The following CNPY1 variants were observed in gnomAD, a reference collection of about 807,000 sequenced individuals.
CNPY1 encodes the protein protein canopy homolog 1.
CNPY1 carries 14 observed loss-of-function variants against 14.4 expected under a neutral mutation model. That is an observed-to-expected ratio of 0.97 (90% CI 0.64 to 1.52). CNPY1 has a LOEUF of 1.52. Ranked by LOEUF, CNPY1 falls within the 40% of genes most tolerant of loss-of-function variation. The pLI is 0.00. For missense variants in CNPY1, 129 were observed against 131.5 expected (o/e 0.98, Z 0.09); for synonymous variants, 43 against 46.5 (o/e 0.92, Z 0.31).
intron 2 of CNPY1, among the ~76,000 whole-genome samples, chr7:155,512,433 G>A (rs964960455): frequency 1.3e-5 from 2 of 151,998 alleles, no homozygotes; most frequent in South Asian, 2.1e-4. Flanking sequence ...CCCCCTTTAC[G>A]TTTCTTCTGA....
chr7:155,507,234 C>A (rs1796348927), intron 3 of CNPY1, 118 bp from the exon 4 acceptor site: 1 of 682,614 alleles, frequency 1.5e-6, no homozygotes, highest in Non-Finnish European at 2.6e-6. Flanking sequence ...CCAAGGTGGT[C>A]CATTTTTATT....
At chr7:155,526,586 C>T (rs34343962) in intron 2 of CNPY1, among the ~76,000 whole-genome samples, 19,105 of 152,048 alleles carry the variant, frequency 0.13, 1,243 homozygotes, top group South Asian at 0.2. Flanking sequence ...ATACACACCT[C>T]GAAATAAGAA....
chr7:155,514,158 T>A (rs1338080616), intron 2 of CNPY1, among the ~76,000 whole-genome samples: 1 of 152,232 alleles, frequency 6.6e-6, no homozygotes, highest in Non-Finnish European at 1.5e-5. Context: ...AAACGGAGCA[T>A]GATGCGAATG....
intron 2 of CNPY1, among the ~76,000 whole-genome samples, chr7:155,537,714 T>C (rs1282242973): frequency 1.3e-5 from 2 of 152,152 alleles, no homozygotes; most frequent in East Asian, 3.9e-4. Flanking sequence ...CATGAGTCAC[T>C]GCGTCCAGCC....
intron 2 of CNPY1, among the ~76,000 whole-genome samples, chr7:155,520,659 G>T (rs1252048231): frequency 6.6e-6 from 1 of 151,828 alleles, no homozygotes; most frequent in African/African-American, 2.4e-5. Context: ...AGATAGATGT[G>T]AGATAATTTT....
chr7:155,512,223 C>A (rs184405622), intron 2 of CNPY1, among the ~76,000 whole-genome samples: 1 of 152,274 alleles, frequency 6.6e-6, no homozygotes, highest in Non-Finnish European at 1.5e-5. Context: ...AGAAAACCCA[C>A]GCACTGGCAC....
rs150243243 is a variant in CNPY1 at position 155,524,538 on chromosome 7, A to G, written c.100-15441T>C. ...TCATAGGAGTGTGAACCCTATTGTG[A>G]ACGGCACATGCAAGGGATCCAGGTT... On this transcript the variant is annotated intron_variant, in intron 2 of 4. Coordinates refer to ENST00000636446, the MANE Select transcript of CNPY1 (RefSeq NM_001393663.1). Among the ~76,000 whole-genome samples the G allele has an allele frequency of 2.4e-3, 359 of 152,280 alleles. 5 individuals carry two copies. The highest frequency in any genetic ancestry group is 8.2e-3 in the African/African-American group (342 of 41,532).
intron 1 of CNPY1, 103 bp from the exon 2 acceptor site, chr7:155,546,046 G>A (rs1797152924): frequency 2.8e-5 from 11 of 398,038 alleles, no homozygotes. Context: ...AACAGGGACA[G>A]TGCCGACGTG....
intron 2 of CNPY1, among the ~76,000 whole-genome samples, chr7:155,522,077 A>G (rs567247933): frequency 2.0e-5 from 3 of 152,364 alleles, no homozygotes; most frequent in South Asian, 2.1e-4. Flanking sequence ...ACGTGCCCAC[A>G]TGCATCCACA....
At chr7:155,504,975 C>T (rs1796252116) in intron 4 of CNPY1, among the ~76,000 whole-genome samples, 1 of 152,204 alleles carries the variant, frequency 6.6e-6, no homozygotes, top group Non-Finnish European at 1.5e-5. Flanking sequence ...TTCTCTGTTG[C>T]TTCAGTCACT....
At chr7:155,527,054 C>CTTT (rs764084944) in intron 2 of CNPY1, among the ~76,000 whole-genome samples, 11 of 90,356 alleles carry the variant, frequency 1.2e-4, no homozygotes, top group African/African-American at 5.0e-4. Context: ...TTCTTTCTTT[C>CTTT]TTTTTTTTTT....
chr7:155,522,556 C>T (rs1468070766), intron 2 of CNPY1, among the ~76,000 whole-genome samples: 1 of 152,224 alleles, frequency 6.6e-6, no homozygotes, highest in Non-Finnish European at 1.5e-5. Flanking sequence ...TGCTCAGGGT[C>T]ACAAAACCAG....
chr7:155,506,295 C>T (rs1335495658), intron 4 of CNPY1, among the ~76,000 whole-genome samples: 1 of 152,216 alleles, frequency 6.6e-6, no homozygotes, highest in Non-Finnish European at 1.5e-5. Context: ...CTGTGTACTC[C>T]ATTCTTATAA....
chr7:155,543,868 A>G (rs889954), intron 2 of CNPY1, among the ~76,000 whole-genome samples: 82,657 of 152,082 alleles, frequency 0.54, 22,632 homozygotes, highest in Middle Eastern at 0.64. Context: ...CTGCGACTCT[A>G]AGATTGCCTT....
At chr7:155,505,326 C>G (rs1375663241) in intron 4 of CNPY1, among the ~76,000 whole-genome samples, 2 of 152,116 alleles carry the variant, frequency 1.3e-5, no homozygotes, top group Non-Finnish European at 2.9e-5. Flanking sequence ...AGGACTTAAT[C>G]AGTGTTTTAA....
At chr7:155,535,535 CA>C (rs1410710942) in intron 2 of CNPY1, among the ~76,000 whole-genome samples, 1 of 152,114 alleles carries the variant, frequency 6.6e-6, no homozygotes, top group African/African-American at 2.4e-5. Context: ...AAAGCTTTAC[CA>C]AAGGACATGA....
rs1258693096 is a variant in CNPY1, at chr7:155,529,009, A to C, written c.99+16822T>G. Among the ~76,000 whole-genome samples, 8 of 151,830 alleles carry C rather than the reference A, an allele frequency of 5.3e-5. No homozygotes were observed. The South Asian group carries it at 6.2e-4, about 12-fold the overall frequency. On this transcript the variant is annotated intron_variant, in intron 2 of 4. Transcript: ENST00000636446. ...CCAGAAGGCGGAGCTTGCAGTGAGC[A>C]GAGATCGCGCCACTGCACTCCAGCC...
intron 2 of CNPY1, among the ~76,000 whole-genome samples, chr7:155,529,467 A>C (rs1796896934): frequency 6.6e-6 from 1 of 152,170 alleles, no homozygotes; most frequent in African/African-American, 2.4e-5. Context: ...ACACTGAGGA[A>C]CCAGCAGGGC....
intron 2 of CNPY1, among the ~76,000 whole-genome samples, chr7:155,534,598 C>CA (rs1797001212): frequency 6.6e-6 from 1 of 152,226 alleles, no homozygotes; most frequent in South Asian, 2.1e-4. Flanking sequence ...CTGCTCCACT[C>CA]ACAGCGTCGC....
Sources: gnomAD v4.1 joint callset for allele counts (sites outside exome capture counted in the v4.1 genomes callset) on GRCh38, gnomAD v4.1.1 for gene constraint, MANE v1.5 for transcripts, NCBI Gene and HGNC (gene_info 2026-07-23, HGNC 2026-07-21) for gene names.